The following CMC1 variants were observed in gnomAD, a reference collection of about 807,000 sequenced individuals.
The protein encoded by CMC1 is C-X9-C motif containing 1.
A neutral mutation model predicts 14.1 loss-of-function variants in CMC1; 14 were observed. The ratio of observed to expected loss-of-function variants is 0.99; its 90% CI spans 0.66 to 1.55. CMC1 has a LOEUF of 1.55. Among genes scored for constraint, CMC1 ranks in the 40% most tolerant of loss-of-function variants. The pLI is 0.00. For synonymous variants in CMC1, 50 were observed against 38.4 expected (o/e 1.30, Z -1.12); for missense variants, 127 against 123.8 (o/e 1.03, Z -0.12).
intron 1 of CMC1, among the ~76,000 whole-genome samples, chr3:28,247,623 G>A (rs1698895108): frequency 6.6e-6 from 1 of 152,224 alleles, no homozygotes; most frequent in South Asian, 2.1e-4. Flanking sequence ...AGGGATACCA[G>A]CTCTATCCTA....
Position 28,323,089 on chromosome 3 carries a change from T to A in CMC1, c.*3460T>A, listed in dbSNP as rs1703239726. ...CCCTGATTTCTATGATTAAAAATAA[T>A]AATTTTAAATCACTTTCTCAATAAA... On this transcript the variant is annotated 3_prime_UTR_variant, in exon 4 of 4. Coordinates refer to ENST00000466830, the MANE Select transcript of CMC1 (RefSeq NM_182523.2). 1 of 151,162 alleles carries A rather than the reference T, an allele frequency of 6.6e-6. No individual in the cohort carries two copies. The highest frequency in any genetic ancestry group is 2.1e-4 in the South Asian group (1 of 4,826). 9.4% of individuals were successfully genotyped at this position (151,162 alleles called of 1,614,324 possible).
At chr3:28,292,596 T>C (rs1370428413) in intron 2 of CMC1, 1 of 152,182 alleles carries the variant, frequency 6.6e-6, no homozygotes, top group Non-Finnish European at 1.5e-5. Context: ...AATTTTCTTT[T>C]CTGGATAAAT....
Position 28,275,878 on chromosome 3 carries a change from A to G in CMC1, c.109+12498A>G, listed in dbSNP as rs535525805. On this transcript the variant is annotated intron_variant, in intron 2 of 3. Coordinates refer to ENST00000466830, the MANE Select transcript of CMC1 (RefSeq NM_182523.2). Reference sequence around the variant, plus strand: ...AGAGATGCATCCAGGTTTGATCTAAACAGGCAGTCTGGCCACTATCTGCCA... The same window carrying G: ...AGAGATGCATCCAGGTTTGATCTAAGCAGGCAGTCTGGCCACTATCTGCCA... 2.0e-5 allele frequency among the ~76,000 whole-genome samples: 3 copies of G among 152,244 alleles called. No individual in the cohort carries two copies. In the South Asian group the frequency reaches 6.2e-4, roughly 32 times the overall value.
chr3:28,306,362 C>T lies in CMC1; in HGVS notation c.110-9971C>T, dbSNP rs368093402. Among the ~76,000 whole-genome samples the T allele has an allele frequency of 1.0e-3, 155 of 152,150 alleles. 2 individuals carry two copies. The Middle Eastern group carries it at 0.024, about 23-fold the overall frequency. ...TTGTTTCATCTGTGATTTCTTTCAG[C>T]AGTATTTTGGAGTTCTCGTAGAGCT... On this transcript the variant is annotated intron_variant, in intron 2 of 3. Transcript: ENST00000466830.
rs936580214 is a variant in CMC1 at position 28,323,582 on chromosome 3, CTT to C, written c.*3955_*3956del. ...TTTTATTTCATTATATTTTCAATAT[CTT>C]TACGCATTATAACAACAGAAATGTA... On this transcript the variant is annotated 3_prime_UTR_variant, in exon 4 of 4. Coordinates refer to ENST00000466830, the MANE Select transcript of CMC1 (RefSeq NM_182523.2). 7 of 152,118 alleles carry C rather than the reference CTT, an allele frequency of 4.6e-5. No individual in the cohort carries two copies. The highest frequency in any genetic ancestry group is 6.8e-3 in the Middle Eastern group (2 of 294). 9.4% of individuals were successfully genotyped at this position (152,118 alleles called of 1,614,324 possible).
intron 2 of CMC1, 93 bp from the exon 3 acceptor site, chr3:28,316,236 GCTTT>G (rs1298161529): frequency 4.2e-5 from 26 of 623,338 alleles, no homozygotes; most frequent in Admixed American, 2.1e-4. Context: ...TGGGTGACAG[GCTTT>G]CTTTTTTTTT....
intron 2 of CMC1, among the ~76,000 whole-genome samples, chr3:28,303,775 TATTC>T (rs1326511479): frequency 2.0e-5 from 3 of 152,166 alleles, no homozygotes; most frequent in African/African-American, 7.2e-5. Flanking sequence ...TATTTACAGT[TATTC>T]ATTTATATAC....
chr3:28,253,783 A>C (rs771566680), intron 1 of CMC1: 2 of 1,241,866 alleles, frequency 1.6e-6, no homozygotes, highest in South Asian at 2.5e-5. Flanking sequence ...TTAACTAGTA[A>C]ATTTTTTAAA....
chr3:28,251,498 T>C (rs1017424475), intron 1 of CMC1, among the ~76,000 whole-genome samples: 1 of 152,168 alleles, frequency 6.6e-6, no homozygotes, highest in Non-Finnish European at 1.5e-5. Flanking sequence ...TGAGATTTGG[T>C]GGGGACAAAC....
rs1703272351 is a variant in CMC1 at position 28,323,824 on chromosome 3, T to A, written c.*4195T>A. 7 of 433,686 alleles carry A rather than the reference T, an allele frequency of 1.6e-5. No homozygotes were observed. The allele number at this position is 433,686 out of a possible 1,614,324, so 26.9% of individuals were successfully genotyped here. On this transcript the variant is annotated 3_prime_UTR_variant, in exon 4 of 4. Transcript: ENST00000466830. ...ACTTATTAATTAGTATAGTAGCATA[T>A]TTCAGATTCTTAGAATATGGAGCTA...
chr3:28,243,124 C>T (rs746178207), intron 1 of CMC1, among the ~76,000 whole-genome samples: 3 of 152,024 alleles, frequency 2.0e-5, no homozygotes, highest in African/African-American at 7.2e-5. Context: ...GGCGCTATCT[C>T]GGCTCACTGT....
At chr3:28,297,654 T>C (rs1701800780) in intron 2 of CMC1, among the ~76,000 whole-genome samples, 1 of 152,178 alleles carries the variant, frequency 6.6e-6, no homozygotes, top group South Asian at 2.1e-4. Flanking sequence ...GTTTTGTTTT[T>C]CCTCTGCAGT....
At chr3:28,250,408 C>CT (rs1052666621) in intron 1 of CMC1, among the ~76,000 whole-genome samples, 2 of 152,158 alleles carry the variant, frequency 1.3e-5, no homozygotes, top group African/African-American at 2.4e-5. Flanking sequence ...AAAATAAAGA[C>CT]TGAGATTGAA....
chr3:28,245,385 G>A (rs1698770908), intron 1 of CMC1, among the ~76,000 whole-genome samples: 1 of 152,110 alleles, frequency 6.6e-6, no homozygotes, highest in South Asian at 2.1e-4. Context: ...TGGCCCATAG[G>A]AACCTGCACC....
At chr3:28,279,986 T>C (rs1310692984) in intron 2 of CMC1, among the ~76,000 whole-genome samples, 1 of 152,194 alleles carries the variant, frequency 6.6e-6, no homozygotes, top group Non-Finnish European at 1.5e-5. Flanking sequence ...TATCTATCAG[T>C]AGCCAAAAAT....
intron 2 of CMC1, among the ~76,000 whole-genome samples, chr3:28,273,101 C>T (rs1208643138): frequency 6.6e-6 from 1 of 152,158 alleles, no homozygotes; most frequent in East Asian, 1.9e-4. Flanking sequence ...GAAATGGTAC[C>T]AGCTCCTCTT....
chr3:28,244,468 C>T (rs1698702939), intron 1 of CMC1, among the ~76,000 whole-genome samples: 1 of 152,148 alleles, frequency 6.6e-6, no homozygotes, highest in South Asian at 2.1e-4. Context: ...TGGCTCATGC[C>T]CTTAATCCCA....
At chr3:28,249,503 C>T (rs1049211413) in intron 1 of CMC1, among the ~76,000 whole-genome samples, 1 of 152,164 alleles carries the variant, frequency 6.6e-6, no homozygotes, top group Non-Finnish European at 1.5e-5. Context: ...GGTCTCTGAC[C>T]TCATTAAAGT....
At chr3:28,283,293 C>T (rs1450435283) in intron 2 of CMC1, among the ~76,000 whole-genome samples, 1 of 151,914 alleles carries the variant, frequency 6.6e-6, no homozygotes, top group Non-Finnish European at 1.5e-5. Context: ...GTAGGCAGAT[C>T]ACTTGAGGTC....
Sources: gnomAD v4.1 joint callset for allele counts (sites outside exome capture counted in the v4.1 genomes callset) on GRCh38, gnomAD v4.1.1 for gene constraint, MANE v1.5 for transcripts, NCBI Gene and HGNC (gene_info 2026-07-23, HGNC 2026-07-21) for gene names.